Variants in GORASP2 observed in about 807,000 individuals in gnomAD.
GORASP2 encodes the protein golgi reassembly stacking protein 2.
A neutral mutation model predicts 45.7 loss-of-function variants in GORASP2; 22 were observed. That is an observed-to-expected ratio of 0.48 (90% CI 0.34 to 0.69). The LOEUF is 0.69. GORASP2 is among the 30% of genes least tolerant of loss of function. The pLI is 0.01. For missense variants in GORASP2, 491 were observed against 562.7 expected (o/e 0.87, Z 1.29); for synonymous variants, 221 against 215.6 (o/e 1.02, Z -0.22).
At chr2:170,962,581 A>G (rs886491365) in intron 8 of GORASP2, among the ~76,000 whole-genome samples, 1 of 152,210 alleles carries the variant, frequency 6.6e-6, no homozygotes, top group Non-Finnish European at 1.5e-5. Flanking sequence ...CTTATTCCAG[A>G]GTGTTAAGAG....
Position 170,966,080 on chromosome 2 carries a change from G to A in GORASP2, c.1309G>A (p.Glu437Lys), listed in dbSNP as rs200805633. 64 of 1,614,120 alleles carry A rather than the reference G, an allele frequency of 4.0e-5. 1 individual carries two copies. The Middle Eastern group carries it at 8.2e-4, about 21-fold the overall frequency. ...AGTCGGCGACTCCACCCCAGTCAGC[G>A]AGAAGCCTGTTTCTGCGGCTGTGGA... ...DRVGDSTPVSEKPVSAAVDAN... is the reference protein window; with the variant it reads ...DRVGDSTPVSKKPVSAAVDAN... Residue 437 changes from glutamate to lysine, a missense_variant, in exon 10 of 10, where the codon GAG (glutamate) becomes AAG (lysine). By Grantham distance (56) the Glu-to-Lys change is moderately conservative. Transcript: ENST00000234160.
At chr2:170,941,376 A>G (rs1704073814) in intron 1 of GORASP2, among the ~76,000 whole-genome samples, 1 of 152,206 alleles carries the variant, frequency 6.6e-6, no homozygotes, top group Non-Finnish European at 1.5e-5. Context: ...AAGGCATTGG[A>G]AAAAGTGTAA....
chr2:170,930,973 CAAA>C (rs11286018), intron 1 of GORASP2, among the ~76,000 whole-genome samples: 4 of 93,764 alleles, frequency 4.3e-5, no homozygotes, highest in African/African-American at 6.4e-5. Flanking sequence ...TGTTAATAAG[CAAA>C]AAAAAAAAAA....
Position 170,948,372 on chromosome 2 carries a change from A to C in GORASP2, c.86A>C (p.His29Pro). ...CAGGTACAAGAAAATTCCCCAGGAC[A>C]CAGAGCTGGTTTGGAGCCTTTCTTT... ...VLRVQENSPG[H>P]RAGLEPFFDF... Residue 29 changes from histidine to proline, a missense_variant, in exon 2 of 10, where the codon CAC becomes CCC. By Grantham distance (77) the His-to-Pro change is moderately conservative. Transcript: ENST00000234160. 6.2e-7 allele frequency: 1 copy of C among 1,601,678 alleles called. No homozygotes were observed. The highest frequency in any genetic ancestry group is 8.5e-7 in the Non-Finnish European group (1 of 1,169,982).
In GORASP2 at chr2:170,966,020, C is replaced by G. The variant is rs753904305; in HGVS notation, c.1249C>G (p.Pro417Ala). 2 of 1,613,784 alleles carry G rather than the reference C, an allele frequency of 1.2e-6. No homozygotes were observed. The highest frequency in any genetic ancestry group is 1.7e-6 in the Non-Finnish European group (2 of 1,179,734). ...ASSLTVDVTP[P>A]TAKAPTTVED... is the part of the protein sequence containing the mutation. Reference sequence around the variant, plus strand: ...CTCACTCACTGTGGATGTGACGCCCCCCACTGCCAAGGCCCCCACCACCGT... The same window carrying G: ...CTCACTCACTGTGGATGTGACGCCCGCCACTGCCAAGGCCCCCACCACCGT... The change falls in exon 10 of 10, where the codon CCC becomes GCC. Residue 417 changes from proline (P) to alanine (A), a missense_variant. Transcript: ENST00000234160.
chr2:170,933,263 TTGG>T (rs1703871186), intron 1 of GORASP2, among the ~76,000 whole-genome samples: 1 of 152,194 alleles, frequency 6.6e-6, no homozygotes, highest in Admixed American at 6.5e-5. Context: ...CACTTTTATT[TTGG>T]TCCTCCAATC....
intron 1 of GORASP2, among the ~76,000 whole-genome samples, chr2:170,947,413 A>G (rs114938059): frequency 0.011 from 1,662 of 152,232 alleles, 35 homozygotes; most frequent in African/African-American, 0.035. Flanking sequence ...GACCATCTTT[A>G]CCTTTGAATG....
In GORASP2 at chr2:170,961,998, A is replaced by G. The variant is rs139058563; in HGVS notation, c.910+249A>G. ...TGCTCCTTACCCCCAGCCAGCGGCC[A>G]CCTACTGCCCCTGCAGCTCTACAGT... is the stretch of plus-strand genomic sequence containing the variant. On this transcript the variant is annotated intron_variant, in intron 8 of 9. Transcript: ENST00000234160. Among the ~76,000 whole-genome samples the G allele has an allele frequency of 6.1e-3, 931 of 152,310 alleles. 13 individuals carry two copies. Among genetic ancestry groups the G allele is most frequent in the African/African-American group, 0.021 (862 of 41,566 alleles).
chr2:170,929,352 G>A lies in GORASP2; in HGVS notation c.12G>A (p.Ser4=). The change falls in exon 1 of 10, where the codon TCG becomes TCA. Residue 4 remains serine (S), a synonymous_variant. Coordinates refer to ENST00000234160, the MANE Select transcript of GORASP2 (RefSeq NM_015530.5). MGS[S]QSVEIPGGGT... ...GATCGCCCGCCGCCATGGGCTCCTC[G>A]CAAAGCGTCGAGATCCCGGGCGGGG... is the stretch of plus-strand genomic sequence containing the variant. 2.2e-6 allele frequency: 3 copies of A among 1,391,466 alleles called. No homozygotes were observed. Among genetic ancestry groups the A allele is most frequent in the East Asian group, 3.0e-5 (1 of 33,506 alleles). The allele number at this position is 1,391,466 out of a possible 1,614,324, so 86.2% of individuals were successfully genotyped here. A position where few individuals can be genotyped will look rare whatever the true frequency, so the allele number is the denominator to read the frequency against.
chr2:170,950,157 T>G (rs778744757), intron 3 of GORASP2, 47 bp from the exon 4 acceptor site: 2 of 904,416 alleles, frequency 2.2e-6, no homozygotes, highest in Non-Finnish European at 3.4e-6. Flanking sequence ...CCTTGGAAGA[T>G]TATTTTATAT....
chr2:170,962,744 C>T, intron 8 of GORASP2, 95 bp from the exon 9 acceptor site: 4 of 789,172 alleles, frequency 5.1e-6, no homozygotes, highest in Admixed American at 2.0e-5. Flanking sequence ...GGTACTGTCA[C>T]TTAGAAGTGG....
At chr2:170,951,653 C>A (rs113743318) in intron 5 of GORASP2, 195 bp downstream of exon 5, 2 of 362,126 alleles carry the variant, frequency 5.5e-6, no homozygotes. Context: ...AGTATATATA[C>A]TATAGTCCTT....
intron 1 of GORASP2, among the ~76,000 whole-genome samples, chr2:170,946,073 G>A (rs1704176974): frequency 6.6e-6 from 1 of 152,000 alleles, no homozygotes; most frequent in Non-Finnish European, 1.5e-5. Flanking sequence ...GTGCAGTGGT[G>A]CGACCTGGAC....
At position 170,949,598 on chromosome 2, in the gene GORASP2, G is replaced by C. The variant is rs367851915; in HGVS notation, c.204G>C (p.Lys68Asn). ...LLKANVEKPV[K>N]MLIYSSKTLE... ...AAGCAAACGTTGAAAAGCCTGTAAAGATGCTTATCTATAGCAGCAAAACAT... is the reference window on the plus strand; with the variant it reads ...AAGCAAACGTTGAAAAGCCTGTAAACATGCTTATCTATAGCAGCAAAACAT... The change falls in exon 3 of 10, where the codon AAG becomes AAC. Residue 68 changes from lysine (K) to asparagine (N), a missense_variant. Lys to Asn is a moderately conservative substitution (Grantham distance 94). Transcript: ENST00000234160. 1 of 1,613,904 alleles carries C rather than the reference G, an allele frequency of 6.2e-7. No homozygotes were observed. The highest frequency in any genetic ancestry group is 8.5e-7 in the Non-Finnish European group (1 of 1,179,762).
At chr2:170,963,005 G>T in intron 9 of GORASP2, 59 bp downstream of exon 9, 1 of 1,104,462 alleles carries the variant, frequency 9.1e-7, no homozygotes, top group Non-Finnish European at 1.4e-6. Flanking sequence ...ATTCAGGAAT[G>T]CCCATCCTCT....
chr2:170,944,317 AAG>A (rs1203921938), intron 1 of GORASP2, among the ~76,000 whole-genome samples: 22 of 152,184 alleles, frequency 1.4e-4, no homozygotes, highest in Non-Finnish European at 2.5e-4. Context: ...ATGAGGGTCA[AAG>A]AGAGGATTTT....
chr2:170,932,480 A>G (rs563178929), intron 1 of GORASP2, among the ~76,000 whole-genome samples: 4 of 152,338 alleles, frequency 2.6e-5, no homozygotes, highest in African/African-American at 9.6e-5. Flanking sequence ...TTATAAGTAC[A>G]TATTTACAAC....
At chr2:170,930,012 C>T (rs1393558485) in intron 1 of GORASP2, 2 of 304,862 alleles carry the variant, frequency 6.6e-6, no homozygotes, top group Non-Finnish European at 1.4e-5. Flanking sequence ...TCCTGACCCT[C>T]CCAAACCTTC....
At chr2:170,965,164 C>T (rs1040149638) in intron 9 of GORASP2, among the ~76,000 whole-genome samples, 1 of 152,126 alleles carries the variant, frequency 6.6e-6, no homozygotes, top group Admixed American at 6.5e-5. Context: ...ATCCTCCCAC[C>T]TTGGCCTCCC....
Sources: gnomAD v4.1 joint callset for allele counts (sites outside exome capture counted in the v4.1 genomes callset) on GRCh38, gnomAD v4.1.1 for gene constraint, MANE v1.5 for transcripts, NCBI Gene and HGNC (gene_info 2026-07-23, HGNC 2026-07-21) for gene names.